Variants in THSD4 observed in about 807,000 individuals in gnomAD.
The protein encoded by THSD4 is thrombospondin type 1 domain containing 4, also known as thrombospondin type-1 domain-containing protein 4.
A neutral mutation model predicts 119.0 loss-of-function variants in THSD4; 69 were observed. The observed-to-expected ratio is 0.58, with a 90% CI of 0.48 to 0.71. The LOEUF (loss-of-function observed/expected upper bound fraction) is 0.71, where lower values mean the gene tolerates loss of function less well. Among genes scored for constraint, THSD4 ranks in the 30% least tolerant of loss-of-function variants. The pLI is 0.00. For missense variants in THSD4, 1,393 were observed against 1,391.1 expected (o/e 1.00, Z -0.02); for synonymous variants, 524 against 540.4 (o/e 0.97, Z 0.42).
At chr15:71,460,071 A>G (rs560446771) in intron 7 of THSD4, among the ~76,000 whole-genome samples, 22 of 151,970 alleles carry the variant, frequency 1.4e-4, no homozygotes, top group African/African-American at 4.3e-4. Flanking sequence ...CCCCTTTTTC[A>G]TGTTTCTCTG....
intron 7 of THSD4, among the ~76,000 whole-genome samples, chr15:71,579,390 G>A (rs1172968737): frequency 2.6e-5 from 4 of 152,280 alleles, no homozygotes; most frequent in Admixed American, 6.5e-5. Context: ...GATCATCTGC[G>A]TAGCAGAAGC....
chr15:71,350,980 A>G (rs970173890), intron 6 of THSD4, among the ~76,000 whole-genome samples: 1 of 152,174 alleles, frequency 6.6e-6, no homozygotes, highest in Admixed American at 6.5e-5. Context: ...GCATAGTCAG[A>G]CAAGTTTGTC....
At chr15:71,364,070 G>A (rs2045926557) in intron 6 of THSD4, among the ~76,000 whole-genome samples, 1 of 152,216 alleles carries the variant, frequency 6.6e-6, no homozygotes, top group Admixed American at 6.5e-5. Flanking sequence ...TTCTGATAGA[G>A]CCTGTGGGAA....
At chr15:71,732,947 G>C (rs2053011428) in intron 10 of THSD4, 1 of 152,224 alleles carries the variant, frequency 6.6e-6, no homozygotes, top group South Asian at 2.1e-4. Context: ...CCCAGAACAT[G>C]GGGTGGGTGT....
At chr15:71,422,840 A>G (rs769634521) in intron 7 of THSD4, among the ~76,000 whole-genome samples, 1 of 152,178 alleles carries the variant, frequency 6.6e-6, no homozygotes, top group Non-Finnish European at 1.5e-5. Flanking sequence ...GCCTGGAGTC[A>G]GAAACCTAGG....
intron 10 of THSD4, 33 bp downstream of exon 10, chr15:71,731,250 G>T (rs758089042): frequency 6.3e-7 from 1 of 1,593,966 alleles, no homozygotes; most frequent in Non-Finnish European, 8.6e-7. Flanking sequence ...CGGGGACTCT[G>T]GTCATTTCCT....
intron 7 of THSD4, among the ~76,000 whole-genome samples, chr15:71,584,712 A>G: frequency 6.6e-6 from 1 of 152,206 alleles, no homozygotes; most frequent in East Asian, 1.9e-4. Context: ...TACTTTTAAA[A>G]TAATTATTGA....
intron 7 of THSD4, among the ~76,000 whole-genome samples, chr15:71,524,303 G>A (rs1013971288): frequency 3.3e-5 from 5 of 152,182 alleles, no homozygotes; most frequent in Admixed American, 1.3e-4. Context: ...GCACAGTGAC[G>A]CTCTGACTTT....
chr15:71,592,186 G>A (rs1261083705), intron 7 of THSD4, among the ~76,000 whole-genome samples: 1 of 152,220 alleles, frequency 6.6e-6, no homozygotes, highest in East Asian at 1.9e-4. Context: ...GCCAACATGT[G>A]GCCACCATGG....
chr15:71,687,641 G>C (rs1326103843), intron 8 of THSD4, among the ~76,000 whole-genome samples: 1 of 151,768 alleles, frequency 6.6e-6, no homozygotes, highest in Non-Finnish European at 1.5e-5. Context: ...TGTAATCCCA[G>C]TTACTCGGAA....
At chr15:71,548,667 G>C (rs1162055835) in intron 7 of THSD4, among the ~76,000 whole-genome samples, 4 of 152,214 alleles carry the variant, frequency 2.6e-5, no homozygotes, top group Non-Finnish European at 4.4e-5. Flanking sequence ...AATGGGAGCA[G>C]GAGGAACTGA....
chr15:71,350,168 T>C (rs1205999924), intron 6 of THSD4, among the ~76,000 whole-genome samples: 1 of 149,128 alleles, frequency 6.7e-6, no homozygotes, highest in Non-Finnish European at 1.5e-5. Flanking sequence ...AAAATGAACA[T>C]TGATGCCAAA....
chr15:71,604,777 G>T (rs1173870548), intron 7 of THSD4, among the ~76,000 whole-genome samples: 1 of 151,824 alleles, frequency 6.6e-6, no homozygotes, highest in Non-Finnish European at 1.5e-5. Flanking sequence ...CAAGCCAGAA[G>T]ACTGTGGAGT....
At chr15:71,272,961 C>T (rs1567177600) in intron 6 of THSD4, among the ~76,000 whole-genome samples, 1 of 152,136 alleles carries the variant, frequency 6.6e-6, no homozygotes, top group Non-Finnish European at 1.5e-5. Flanking sequence ...TAAGTTAGAA[C>T]AGCCATTTTG....
intron 4 of THSD4, among the ~76,000 whole-genome samples, chr15:71,238,091 A>T (rs1456021388): frequency 2.6e-5 from 4 of 151,994 alleles, no homozygotes; most frequent in Non-Finnish European, 4.4e-5. Context: ...CCATGTACTT[A>T]CGTTGTCAGG....
intron 7 of THSD4, among the ~76,000 whole-genome samples, chr15:71,594,985 G>A (rs2140881057): frequency 6.6e-6 from 1 of 152,280 alleles, no homozygotes; most frequent in East Asian, 1.9e-4. Context: ...AGCTATCTAG[G>A]GGGTCAGTCA....
intron 11 of THSD4, among the ~76,000 whole-genome samples, chr15:71,741,583 A>G (rs947365028): frequency 3.3e-5 from 5 of 151,060 alleles, no homozygotes; most frequent in Middle Eastern, 3.4e-3. Flanking sequence ...TTTGCATTGC[A>G]GAAACACACA....
chr15:71,644,296 C>T (rs2140969222), intron 7 of THSD4, among the ~76,000 whole-genome samples: 1 of 152,300 alleles, frequency 6.6e-6, no homozygotes, highest in East Asian at 1.9e-4. Context: ...GCCTCTTCTT[C>T]CTTCAATTGG....
chr15:71,136,244 A>G (rs1018855872), intron 1 of THSD4, among the ~76,000 whole-genome samples: 2 of 152,012 alleles, frequency 1.3e-5, no homozygotes, highest in African/African-American at 2.4e-5. Flanking sequence ...GTGGTTTGGA[A>G]CTGCCCTGAT....
Sources: allele counts gnomAD v4.1 joint callset (sites outside exome capture counted in the v4.1 genomes callset), GRCh38; gene constraint gnomAD v4.1.1; transcripts MANE v1.5; gene names NCBI Gene and HGNC (gene_info 2026-07-23, HGNC 2026-07-21).